The following CLEC16A variants were observed in gnomAD, a reference collection of about 807,000 sequenced individuals.
The protein encoded by CLEC16A is C-type lectin domain containing 16A, also known as protein CLEC16A.
Under a neutral mutation model 109.5 loss-of-function variants are expected in CLEC16A, and 51 were observed. That is an observed-to-expected ratio of 0.47 (90% confidence interval 0.37 to 0.59). CLEC16A has a LOEUF of 0.59. Ranked by LOEUF, CLEC16A falls within the 20% of genes least tolerant of loss-of-function variation. The pLI is 0.00. For missense variants in CLEC16A, 1,339 were observed against 1,394.0 expected (o/e 0.96, Z 0.63); for synonymous variants, 673 against 564.2 (o/e 1.19, Z -2.73).
At chr16:11,047,179 C>A in intron 16 of CLEC16A, 113 bp from the exon 17 acceptor site, 1 of 666,654 alleles carries the variant, frequency 1.5e-6, no homozygotes, top group Non-Finnish European at 2.4e-6. Flanking sequence ...TACGAGAACT[C>A]ACTAATGAGA....
At chr16:11,069,650 C>G (rs2048955863) in intron 19 of CLEC16A, among the ~76,000 whole-genome samples, 1 of 151,960 alleles carries the variant, frequency 6.6e-6, no homozygotes, top group Admixed American at 6.6e-5. Context: ...CTATGTTGCC[C>G]AGGCTGGTCT....
chr16:11,103,085 C>T (rs984889692), intron 19 of CLEC16A, among the ~76,000 whole-genome samples: 10 of 152,280 alleles, frequency 6.6e-5, no homozygotes, highest in East Asian at 3.9e-4. Flanking sequence ...GCGAATGCTC[C>T]CCGGACCTTC....
intron 4 of CLEC16A, 136 bp downstream of exon 4, chr16:10,969,445 A>G: frequency 1.7e-6 from 1 of 581,838 alleles, no homozygotes; most frequent in Non-Finnish European, 2.8e-6. Context: ...TATGATTTTC[A>G]TGGCAACACT....
chr16:10,953,400 G>A (rs956565418), intron 1 of CLEC16A, among the ~76,000 whole-genome samples: 2 of 152,218 alleles, frequency 1.3e-5, no homozygotes, highest in African/African-American at 2.4e-5. Flanking sequence ...GTCAGAATGC[G>A]AAGAGTAAAA....
chr16:11,016,547 G>C (rs369257126), intron 11 of CLEC16A, among the ~76,000 whole-genome samples: 1 of 151,796 alleles, frequency 6.6e-6, no homozygotes, highest in East Asian at 1.9e-4. Flanking sequence ...TGTTGGCCAG[G>C]CTGATCTCAA....
rs1234716536 is a variant in CLEC16A at position 11,039,992 on chromosome 16, C to A, written c.1660+116C>A. 7.2e-6 allele frequency: 9 copies of A among 1,257,616 alleles called. No homozygotes were observed. In the Admixed American group the frequency reaches 2.3e-4, roughly 32 times the overall value. 77.9% of individuals were successfully genotyped at this position (1,257,616 alleles called of 1,614,324 possible). ...AGCCTTCTGAGAATCCGGGCCCATC[C>A]CAACCTCTCCCTCTGCCTCTCAACC... is the stretch of plus-strand genomic sequence containing the variant. On this transcript the variant is annotated intron_variant, in intron 14 of 23. Transcript: ENST00000409790.
In CLEC16A at chr16:10,961,968, C is replaced by CTTTTTTTTTTTTTTTT. The variant is rs5815604; in HGVS notation, c.210-473_210-472insTTTTTTTTTTTTTTTT. ...TTGGGAACTTTTTTTTCTTTTTTTT[C>CTTTTTTTTTTTTTTTT]TTTTTTTTTTTTTTGGCTCTGTCAC... On this transcript the variant is annotated intron_variant, in intron 2 of 23. Coordinates refer to ENST00000409790, the MANE Select transcript of CLEC16A (RefSeq NM_015226.3). This position sits in a 1 kb window ranked among gnomAD's most constrained non-coding sequence, Gnocchi z 4.3. Among the ~76,000 whole-genome samples the CTTTTTTTTTTTTTTTT allele has an allele frequency of 7.4e-6, 1 of 135,346 alleles. No individual in the cohort carries two copies. The highest frequency in any genetic ancestry group is 1.6e-5 in the Non-Finnish European group (1 of 63,806). The allele number at this position is 135,346 out of a possible 152,430, so 88.8% of individuals were successfully genotyped here. A position where few individuals can be genotyped will look rare whatever the true frequency, so the allele number is the denominator to read the frequency against.
chr16:11,012,803 T>C (rs1240714594), intron 11 of CLEC16A, among the ~76,000 whole-genome samples: 1 of 152,206 alleles, frequency 6.6e-6, no homozygotes, highest in African/African-American at 2.4e-5. Flanking sequence ...GGTAGGCTTG[T>C]TGAATGCTTT....
Position 10,969,303 on chromosome 16 carries a change from T to C in CLEC16A, c.486T>C (p.Tyr162=), listed in dbSNP as rs201140049. ...ACAACCACACTGTCCATTTCTTTTA[T>C]AATGAGGTAAGTAATTGCCAGAGGG... ...KLNNHTVHFF[Y]NEHTNDFALY... The change falls in exon 4 of 24, where the codon TAT becomes TAC. Residue 162 remains tyrosine, a synonymous_variant. Coordinates refer to ENST00000409790, the MANE Select transcript of CLEC16A (RefSeq NM_015226.3). 18 of 1,607,152 alleles carry C rather than the reference T, an allele frequency of 1.1e-5. 1 individual carries two copies. In the South Asian group the frequency reaches 1.9e-4, roughly 17 times the overall value.
At chr16:11,016,305 C>T (rs1411348031) in intron 11 of CLEC16A, among the ~76,000 whole-genome samples, 2 of 151,708 alleles carry the variant, frequency 1.3e-5, no homozygotes, top group Non-Finnish European at 2.9e-5. Context: ...ATTATGTTTC[C>T]CCGACAGCAG....
intron 1 of CLEC16A, among the ~76,000 whole-genome samples, chr16:10,947,944 A>G (rs1447665443): frequency 6.6e-6 from 1 of 151,876 alleles, no homozygotes; most frequent in Non-Finnish European, 1.5e-5. Context: ...CCCAGGCTGG[A>G]GTGCAGTGGC....
chr16:11,094,022 GGTCCTATCAT>G (rs1408287177), intron 19 of CLEC16A, among the ~76,000 whole-genome samples: 1 of 152,182 alleles, frequency 6.6e-6, no homozygotes, highest in African/African-American at 2.4e-5. Flanking sequence ...ACGACAGGCA[GGTCCTATCAT>G]GTGCTTGTAG....
In CLEC16A at chr16:11,058,666, A is replaced by G. The variant is rs577317153; in HGVS notation, c.1996-2236A>G. 4.6e-5 allele frequency among the ~76,000 whole-genome samples: 7 copies of G among 152,290 alleles called. No individual in the cohort carries two copies. The South Asian group carries it at 8.3e-4, about 18-fold the overall frequency. Reference sequence around the variant, plus strand: ...TGTTATTATCCATGTGTTGTTTGCAAGGCAAAAGCAGATATTGGCCTATAT... The same window carrying G: ...TGTTATTATCCATGTGTTGTTTGCAGGGCAAAAGCAGATATTGGCCTATAT... On this transcript the variant is annotated intron_variant, in intron 18 of 23. Coordinates refer to ENST00000409790, the MANE Select transcript of CLEC16A (RefSeq NM_015226.3).
At chr16:11,142,894 T>C (rs368621173) in intron 22 of CLEC16A, among the ~76,000 whole-genome samples, 3 of 152,208 alleles carry the variant, frequency 2.0e-5, no homozygotes, top group African/African-American at 7.2e-5. Context: ...CACTGCAACC[T>C]CCGCCCCCCT....
At chr16:11,092,613 CGTTTTTGCAA>C (rs2050378395) in intron 19 of CLEC16A, among the ~76,000 whole-genome samples, 1 of 152,180 alleles carries the variant, frequency 6.6e-6, no homozygotes, top group South Asian at 2.1e-4. Context: ...TTTCCTTGAA[CGTTTTTGCAA>C]ATACAGATTT....
Position 11,174,430 on chromosome 16 carries a change from T to C in CLEC16A, c.2807-3905T>C, listed in dbSNP as rs542154000. Among the ~76,000 whole-genome samples, 32 of 152,220 alleles carry C rather than the reference T, an allele frequency of 2.1e-4. No individual in the cohort carries two copies. The highest frequency in any genetic ancestry group is 7.5e-4 in the African/African-American group (31 of 41,468). ...GGCACTTCCCCATTTTCCCCCAAAG[T>C]TGGTTCTCCCTGCTCCCTGTCTGGC... On this transcript the variant is annotated intron_variant, in intron 23 of 23. Coordinates refer to ENST00000409790, the MANE Select transcript of CLEC16A (RefSeq NM_015226.3). The surrounding 1 kb of genome is among the most constrained non-coding windows in gnomAD (Gnocchi z 4.7).
At chr16:11,022,445 TTCCTGAG>T (rs2046165982) in intron 12 of CLEC16A, among the ~76,000 whole-genome samples, 1 of 147,040 alleles carries the variant, frequency 6.8e-6, no homozygotes, top group Non-Finnish European at 1.5e-5. Flanking sequence ...TGCCTCAGCC[TTCCTGAG>T]GCAGGGAGTG....
chr16:11,003,970 CAAA>C (rs962482634), intron 11 of CLEC16A, among the ~76,000 whole-genome samples: 4 of 57,984 alleles, frequency 6.9e-5, no homozygotes, highest in East Asian at 5.5e-4. Flanking sequence ...CCTGTCTCTA[CAAA>C]AAAAAAAAAA....
rs75702781 is a variant in CLEC16A at position 11,173,757 on chromosome 16, G to A, written c.2807-4578G>A. Reference sequence around the variant, plus strand: ...TGAGGATGCCGGGTTTTCGTGTCCTGACTCCTGGGCCATGTCTAAAACTGA... The same window carrying A: ...TGAGGATGCCGGGTTTTCGTGTCCTAACTCCTGGGCCATGTCTAAAACTGA... On this transcript the variant is annotated intron_variant, in intron 23 of 23. Coordinates refer to ENST00000409790, the MANE Select transcript of CLEC16A (RefSeq NM_015226.3). Among the ~76,000 whole-genome samples the A allele has an allele frequency of 7.9e-3, 1,199 of 152,242 alleles. 13 individuals are homozygous for A. Among genetic ancestry groups the A allele is most frequent in the African/African-American group, 0.027 (1,118 of 41,516 alleles).
Sources: gnomAD v4.1 joint callset for allele counts (sites outside exome capture counted in the v4.1 genomes callset) on GRCh38, gnomAD v4.1.1 for gene constraint, Gnocchi (gnomAD v3.1) non-coding constraint, MANE v1.5 for transcripts, NCBI Gene and HGNC (gene_info 2026-07-23, HGNC 2026-07-21) for gene names.